The following HDAC9 variants were observed in gnomAD, a reference collection of about 807,000 sequenced individuals.
HDAC9 encodes histone deacetylase 9.
In HDAC9, 41 loss-of-function variants were observed where a neutral mutation model predicts 139.4. The observed-to-expected ratio is 0.29, with a 90% CI of 0.23 to 0.38. The LOEUF is 0.38. Among genes scored for constraint, HDAC9 ranks in the 10% least tolerant of loss-of-function variants. The pLI is 1.00. For synonymous variants in HDAC9, 517 were observed against 476.2 expected (o/e 1.09, Z -1.12); for missense variants, 1,147 against 1,297.0 (o/e 0.88, Z 1.78).
intron 21 of HDAC9, among the ~76,000 whole-genome samples, chr7:18,839,357 A>G (rs1375412606): frequency 6.6e-6 from 1 of 152,000 alleles, no homozygotes; most frequent in African/African-American, 2.4e-5. Flanking sequence ...CTCACACCAC[A>G]TTGCTACTCT....
chr7:18,430,044 G>T (rs924236586), intron 1 of HDAC9, among the ~76,000 whole-genome samples: 1 of 152,146 alleles, frequency 6.6e-6, no homozygotes, highest in Non-Finnish European at 1.5e-5. Flanking sequence ...ATAAGATAAA[G>T]AATATCATCC....
chr7:18,676,033 C>T (rs907887824), intron 12 of HDAC9, among the ~76,000 whole-genome samples: 3 of 151,934 alleles, frequency 2.0e-5, no homozygotes, highest in South Asian at 4.1e-4. Flanking sequence ...GTGTTGATCA[C>T]GGAGGATCTT....
At chr7:18,279,488 A>C (rs1796955280) in intron 2 of HDAC9, among the ~76,000 whole-genome samples, 1 of 151,522 alleles carries the variant, frequency 6.6e-6, no homozygotes, top group Non-Finnish European at 1.5e-5. Flanking sequence ...TTTGAGGCAA[A>C]GTCTCACTCT....
chr7:18,493,117 C>T (rs923531332), upstream of HDAC9, among the ~76,000 whole-genome samples: 3 of 151,924 alleles, frequency 2.0e-5, no homozygotes, highest in African/African-American at 4.8e-5. Context: ...ATTACTAACT[C>T]AGTCTTCTGG....
chr7:18,119,722 A>G (rs1484203325), intron 1 of HDAC9, among the ~76,000 whole-genome samples: 2 of 152,192 alleles, frequency 1.3e-5, no homozygotes, highest in Non-Finnish European at 1.5e-5. Flanking sequence ...TGTTGGACTG[A>G]AAGTAAGTGT....
chr7:18,176,394 C>G (rs760151589), intron 2 of HDAC9, among the ~76,000 whole-genome samples: 2 of 152,118 alleles, frequency 1.3e-5, no homozygotes, highest in African/African-American at 4.8e-5. Context: ...ATTGTAGTTA[C>G]TTGTTTGGTT....
In HDAC9 at chr7:18,715,906, A is replaced by T. The variant is rs576961569; in HGVS notation, c.1732-11674A>T. On this transcript the variant is annotated intron_variant, in intron 12 of 25. Transcript: ENST00000686413. ...ATATAATTTTACACACAACTTCAGG[A>T]GTTTTATATCCACTAGAATTCTTCC... Among the ~76,000 whole-genome samples the T allele has an allele frequency of 3.9e-5, 6 of 152,302 alleles. No homozygotes were observed. In the South Asian group the frequency reaches 1.2e-3, roughly 32 times the overall value.
chr7:18,890,858 T>A (rs910276215), intron 22 of HDAC9, among the ~76,000 whole-genome samples: 1 of 152,134 alleles, frequency 6.6e-6, no homozygotes, highest in Non-Finnish European at 1.5e-5. Flanking sequence ...AAAGGATAGG[T>A]GGAGCTAGTG....
At chr7:18,174,621 A>G (rs1788730251) in intron 2 of HDAC9, among the ~76,000 whole-genome samples, 1 of 152,196 alleles carries the variant, frequency 6.6e-6, no homozygotes, top group Non-Finnish European at 1.5e-5. Context: ...TTGGTGACCT[A>G]CAGATGGGAT....
At chr7:18,871,589 T>G (rs866775616) in intron 21 of HDAC9, among the ~76,000 whole-genome samples, 3 of 152,222 alleles carry the variant, frequency 2.0e-5, no homozygotes, top group Admixed American at 2.0e-4. Flanking sequence ...AAACATGTAT[T>G]CTTTGTTTGC....
intron 1 of HDAC9, among the ~76,000 whole-genome samples, chr7:18,134,333 C>G (rs1485435085): frequency 1.3e-5 from 2 of 152,012 alleles, no homozygotes; most frequent in Non-Finnish European, 1.5e-5. Flanking sequence ...AGTTATTATT[C>G]AAGGACTGCT....
In HDAC9 at chr7:18,855,621, A is replaced by G. The variant is rs553193901; in HGVS notation, c.2685-18857A>G. The stretch of plus-strand genomic sequence containing the variant: ...CTGCCTGTGGTTTCACCACTTCTTA[A>G]TATGTTAAATTTATTTAGGCTGTGG... On this transcript the variant is annotated intron_variant, in intron 21 of 25. Coordinates refer to ENST00000686413, the MANE Select transcript of HDAC9 (RefSeq NM_178425.4). Among the ~76,000 whole-genome samples the G allele has an allele frequency of 5.3e-5, 8 of 151,818 alleles. No individual in the cohort carries two copies. The South Asian group carries it at 1.5e-3, about 28-fold the overall frequency.
At chr7:18,906,763 T>C (rs1385366076) in intron 22 of HDAC9, among the ~76,000 whole-genome samples, 6 of 152,198 alleles carry the variant, frequency 3.9e-5, no homozygotes, top group Non-Finnish European at 1.5e-5. Context: ...AGATTCCTTG[T>C]CTTAACAGCT....
At chr7:18,972,870 C>T (rs1784333615) in intron 24 of HDAC9, among the ~76,000 whole-genome samples, 1 of 152,184 alleles carries the variant, frequency 6.6e-6, no homozygotes, top group South Asian at 2.1e-4. Flanking sequence ...AAATGTGTGT[C>T]AACTGAATCA....
chr7:18,143,996 A>G (rs1279947214), intron 1 of HDAC9, among the ~76,000 whole-genome samples: 2 of 152,152 alleles, frequency 1.3e-5, no homozygotes, highest in African/African-American at 4.8e-5. Flanking sequence ...GGATCTATTT[A>G]TGCAAAAAAC....
intron 22 of HDAC9, among the ~76,000 whole-genome samples, chr7:18,920,495 T>G (rs1312223092): frequency 6.6e-6 from 1 of 152,152 alleles, no homozygotes; most frequent in Non-Finnish European, 1.5e-5. Flanking sequence ...TTCCTTCTCC[T>G]GCCTGATTGC....
intron 23 of HDAC9, chr7:18,949,116 C>A: frequency 6.6e-6 from 2 of 302,770 alleles, no homozygotes; most frequent in Non-Finnish European, 1.3e-5. Context: ...GATTCTTGAC[C>A]TTTTGGGTCT....
intron 1 of HDAC9, among the ~76,000 whole-genome samples, chr7:18,443,400 T>G (rs1189133597): frequency 6.6e-6 from 1 of 152,178 alleles, no homozygotes; most frequent in Non-Finnish European, 1.5e-5. Flanking sequence ...AATACCAGAT[T>G]GGAAACTGGG....
intron 2 of HDAC9, among the ~76,000 whole-genome samples, chr7:18,203,232 A>G (rs1219472219): frequency 1.3e-5 from 2 of 152,188 alleles, no homozygotes; most frequent in African/African-American, 2.4e-5. Context: ...GTGTAATTTA[A>G]TATTAATAAA....
Sources: allele counts gnomAD v4.1 joint callset (sites outside exome capture counted in the v4.1 genomes callset), GRCh38; gene constraint gnomAD v4.1.1; transcripts MANE v1.5; gene names NCBI Gene and HGNC (gene_info 2026-07-23, HGNC 2026-07-21).